The following TSNARE1 variants were observed in gnomAD, a reference collection of about 807,000 sequenced individuals.
The protein encoded by TSNARE1 is t-SNARE domain-containing protein 1.
TSNARE1 carries 49 observed loss-of-function variants against 62.0 expected under a neutral mutation model. That is an observed-to-expected ratio of 0.79 (90% CI 0.63 to 1.00). The LOEUF is 1.00. Ranked by LOEUF, TSNARE1 falls within the 50% of genes least tolerant of loss-of-function variation. TSNARE1 has a pLI of 0.00. For synonymous variants in TSNARE1, 328 were observed against 294.4 expected (o/e 1.11, Z -1.17); for missense variants, 755 against 700.1 (o/e 1.08, Z -0.88).
At chr8:142,306,053 G>A (rs565769376) in intron 9 of TSNARE1, among the ~76,000 whole-genome samples, 35 of 152,344 alleles carry the variant, frequency 2.3e-4, no homozygotes, top group African/African-American at 8.2e-4. Flanking sequence ...GGCAAGAGGC[G>A]CTCACACAGG....
At chr8:142,357,197 C>G (rs1442603534) in intron 1 of TSNARE1, among the ~76,000 whole-genome samples, 2 of 152,222 alleles carry the variant, frequency 1.3e-5, no homozygotes, top group African/African-American at 4.8e-5. Context: ...TGATCCCAGC[C>G]AGAGCTCACT....
chr8:142,372,563 C>T (rs1835990159), intron 1 of TSNARE1, among the ~76,000 whole-genome samples: 1 of 152,178 alleles, frequency 6.6e-6, no homozygotes, highest in Non-Finnish European at 1.5e-5. Flanking sequence ...TCCCTCACCC[C>T]TCATGTGAGC....
intron 12 of TSNARE1, among the ~76,000 whole-genome samples, chr8:142,261,559 G>A (rs1201045077): frequency 1.3e-5 from 2 of 152,052 alleles, no homozygotes; most frequent in African/African-American, 4.8e-5. Context: ...CACAGGCGCT[G>A]TGATGCCTCA....
chr8:142,334,038 G>T (rs1417138252), intron 4 of TSNARE1, among the ~76,000 whole-genome samples: 2 of 152,234 alleles, frequency 1.3e-5, no homozygotes, highest in Non-Finnish European at 2.9e-5. Context: ...CAGCCTAAAG[G>T]TTTATCTGTA....
chr8:142,345,274 TC>T (rs1178023520), intron 3 of TSNARE1, among the ~76,000 whole-genome samples: 2 of 152,146 alleles, frequency 1.3e-5, no homozygotes, highest in African/African-American at 4.8e-5. Flanking sequence ...AGTACAGGCC[TC>T]TCCCTGGGGG....
intron 1 of TSNARE1, among the ~76,000 whole-genome samples, chr8:142,399,356 C>T (rs1838125333): frequency 1.3e-5 from 2 of 152,210 alleles, no homozygotes; most frequent in South Asian, 4.1e-4. Context: ...AGGCCCTGGG[C>T]CACAGCTGGA....
chr8:142,225,084 G>T (rs1303772537), intron 13 of TSNARE1, among the ~76,000 whole-genome samples: 1 of 152,134 alleles, frequency 6.6e-6, no homozygotes, highest in South Asian at 2.1e-4. Flanking sequence ...TCCCCTGCTT[G>T]GCCCCAAGGC....
intron 2 of TSNARE1, among the ~76,000 whole-genome samples, chr8:142,348,195 G>A (rs1316611661): frequency 1.3e-5 from 2 of 152,198 alleles, no homozygotes; most frequent in Non-Finnish European, 2.9e-5. Context: ...AGCAAATGCT[G>A]CACGTATGGC....
chr8:142,363,790 C>T (rs1835333892), intron 1 of TSNARE1, among the ~76,000 whole-genome samples: 1 of 152,160 alleles, frequency 6.6e-6, no homozygotes, highest in African/African-American at 2.4e-5. Flanking sequence ...TGGAAGTCAA[C>T]CGACCCAGAG....
intron 12 of TSNARE1, among the ~76,000 whole-genome samples, chr8:142,230,885 A>C (rs1817078902): frequency 6.8e-6 from 1 of 147,512 alleles, no homozygotes; most frequent in Non-Finnish European, 1.5e-5. Flanking sequence ...TCCATCCATG[A>C]GCCCACTCAT....
At chr8:142,288,231 G>A (rs983502010) in intron 10 of TSNARE1, among the ~76,000 whole-genome samples, 2 of 152,228 alleles carry the variant, frequency 1.3e-5, no homozygotes, top group Non-Finnish European at 1.5e-5. Context: ...GGGTGGAAGA[G>A]GGGCAGCTGC....
At chr8:142,389,577 C>A (rs968079609) in intron 1 of TSNARE1, among the ~76,000 whole-genome samples, 5 of 152,108 alleles carry the variant, frequency 3.3e-5, no homozygotes, top group African/African-American at 1.2e-4. Context: ...ATGTCCAGCC[C>A]CAAAGGCCTA....
At chr8:142,401,445 C>G (rs527347999) in intron 1 of TSNARE1, among the ~76,000 whole-genome samples, 1 of 152,270 alleles carries the variant, frequency 6.6e-6, no homozygotes, top group African/African-American at 2.4e-5. Context: ...GGACATAAAG[C>G]AGGGACTGAA....
chr8:142,268,915 C>T (rs552428139), intron 12 of TSNARE1, among the ~76,000 whole-genome samples: 4 of 152,368 alleles, frequency 2.6e-5, no homozygotes, highest in South Asian at 4.1e-4. Flanking sequence ...GGGGCCATGA[C>T]GCCTATCTAC....
chr8:142,393,349 A>C (rs1302931246), intron 1 of TSNARE1, among the ~76,000 whole-genome samples: 5 of 152,348 alleles, frequency 3.3e-5, no homozygotes, highest in African/African-American at 1.2e-4. Flanking sequence ...TGGCAGAAGC[A>C]AGGTAGGCTT....
chr8:142,250,254 G>C (rs777948152), intron 12 of TSNARE1, among the ~76,000 whole-genome samples: 27 of 152,258 alleles, frequency 1.8e-4, no homozygotes, highest in Non-Finnish European at 2.2e-4. Flanking sequence ...CATTTTGAGG[G>C]AAAAATGCAA....
chr8:142,226,974 TG>T (rs1816816247), intron 13 of TSNARE1, among the ~76,000 whole-genome samples: 2 of 123,674 alleles, frequency 1.6e-5, no homozygotes, highest in East Asian at 2.3e-4. Flanking sequence ...CACACGGCAG[TG>T]ACAGCAAGGC....
intron 7 of TSNARE1, among the ~76,000 whole-genome samples, chr8:142,317,587 T>C (rs1237842352): frequency 6.6e-6 from 1 of 152,240 alleles, no homozygotes; most frequent in East Asian, 1.9e-4. Flanking sequence ...TTTAATCTTT[T>C]GTCACAAGTA....
intron 12 of TSNARE1, among the ~76,000 whole-genome samples, chr8:142,241,739 A>G (rs1817675397): frequency 6.6e-6 from 1 of 152,342 alleles, no homozygotes; most frequent in African/African-American, 2.4e-5. Context: ...AGTTGTCACC[A>G]ATACGTCATG....
Sources: allele counts gnomAD v4.1 joint callset (sites outside exome capture counted in the v4.1 genomes callset), GRCh38; gene constraint gnomAD v4.1.1; transcripts MANE v1.5; gene names NCBI Gene and HGNC (gene_info 2026-07-23, HGNC 2026-07-21).